TENT2: variants seen among roughly 807,000 people sequenced by gnomAD.
The protein encoded by TENT2 is terminal nucleotidyltransferase 2.
Under a neutral mutation model 72.2 loss-of-function variants are expected in TENT2, and 44 were observed. That is an observed-to-expected ratio of 0.61 (90% CI 0.48 to 0.78). The LOEUF is 0.78. Ranked by LOEUF, TENT2 falls within the 30% of genes least tolerant of loss-of-function variation. TENT2 has a pLI of 0.00. For synonymous variants in TENT2, 212 were observed against 192.5 expected, an observed-to-expected ratio of 1.10 and a Z score of -0.84; for missense variants, 541 against 569.6, an observed-to-expected ratio of 0.95 and a Z score of 0.51.
At chr5:79,633,432 GT>G (rs539713889) in intron 4 of TENT2, among the ~76,000 whole-genome samples, 2,414 of 80,250 alleles carry the variant, frequency 0.03, 47 homozygotes, top group African/African-American at 0.092. Context: ...CAGCTAAAAA[GT>G]TTTTTTTTTT....
chr5:79,659,028 A>C (rs1338593608), intron 11 of TENT2, among the ~76,000 whole-genome samples: 1 of 152,144 alleles, frequency 6.6e-6, no homozygotes, highest in Non-Finnish European at 1.5e-5. Context: ...GAGATTAGGA[A>C]TCTCCTAATT....
chr5:79,682,137 G>A, intron 14 of TENT2, 76 bp downstream of exon 14: 2 of 968,410 alleles, frequency 2.1e-6, no homozygotes, highest in South Asian at 1.6e-5. Context: ...TACGTGTGTA[G>A]TAGGACAGAA....
chr5:79,620,696 A>G (rs1014013737), intron 3 of TENT2: 1 of 152,182 alleles, frequency 6.6e-6, no homozygotes, highest in Non-Finnish European at 1.5e-5. Context: ...AACTTAGGTA[A>G]CTTTTCAGAG....
At chr5:79,656,619 T>C (rs1798158972) in intron 10 of TENT2, among the ~76,000 whole-genome samples, 1 of 152,016 alleles carries the variant, frequency 6.6e-6, no homozygotes, top group Admixed American at 6.5e-5. Context: ...CTATTCAGTA[T>C]CTGTAGAGCA....
intron 10 of TENT2, among the ~76,000 whole-genome samples, chr5:79,651,050 A>G (rs1200487829): frequency 1.3e-5 from 2 of 152,118 alleles, no homozygotes; most frequent in Non-Finnish European, 2.9e-5. Flanking sequence ...TAAGTTGTGT[A>G]TACATTTCAT....
At chr5:79,652,978 A>C (rs1795300989) in intron 10 of TENT2, among the ~76,000 whole-genome samples, 1 of 152,024 alleles carries the variant, frequency 6.6e-6, no homozygotes. Flanking sequence ...AAATATAAAA[A>C]ATATGTGGCA....
intron 11 of TENT2, among the ~76,000 whole-genome samples, chr5:79,664,911 A>T (rs917031263): frequency 6.6e-5 from 10 of 152,174 alleles, no homozygotes; most frequent in African/African-American, 2.2e-4. Flanking sequence ...TAGAAGGGTG[A>T]TGCTTCACAC....
chr5:79,660,787 A>T lies in TENT2; in HGVS notation c.1071+3786A>T, dbSNP rs1029415003. On this transcript the variant is annotated intron_variant, in intron 11 of 14. Transcript: ENST00000453514. ...TTATTTAAAAAACAAGCTAACTATA[A>T]AATGGCCTGATAGGTCCTTCAAGAG... Among the ~76,000 whole-genome samples, 2 of 152,148 alleles carry T rather than the reference A, an allele frequency of 1.3e-5. 1 individual carries two copies. Among genetic ancestry groups the T allele is most frequent in the South Asian group, 4.1e-4 (2 of 4,834 alleles).
At position 79,648,660 on chromosome 5, in the gene TENT2, A is replaced by G. The variant is rs1791096796; in HGVS notation, c.865A>G (p.Arg289Gly). ...DLNVNNIVGI[R>G]NTFLLRTYAY... The stretch of plus-strand genomic sequence containing the variant: ...GAATGTAAACAATATTGTTGGAATA[A>G]GAAACACATTCCTTCTCAGAACTTA... The change falls in exon 9 of 15, where the codon AGA becomes GGA. Residue 289 changes from arginine to glycine, a missense_variant. By Grantham distance (125) the Arg-to-Gly change is moderately radical. Transcript: ENST00000453514. 6.3e-7 allele frequency: 1 copy of G among 1,597,860 alleles called. No homozygotes were observed. Among genetic ancestry groups the G allele is most frequent in the Non-Finnish European group, 8.5e-7 (1 of 1,171,722 alleles).
chr5:79,681,767 C>T (rs1022189817), intron 13 of TENT2: 2 of 401,880 alleles, frequency 5.0e-6, no homozygotes, highest in Admixed American at 4.1e-5. Flanking sequence ...TTTGATCACC[C>T]TCTCCCTTGA....
intron 10 of TENT2, among the ~76,000 whole-genome samples, chr5:79,654,385 T>G (rs1000227496): frequency 5.9e-5 from 9 of 151,492 alleles, no homozygotes; most frequent in Admixed American, 2.6e-4. Flanking sequence ...GAGCCTAGAT[T>G]GTGCCATTGC....
At chr5:79,626,548 C>T (rs893364288) in intron 4 of TENT2, among the ~76,000 whole-genome samples, 2 of 152,024 alleles carry the variant, frequency 1.3e-5, no homozygotes, top group Admixed American at 6.5e-5. Flanking sequence ...ACCTCGTGAT[C>T]CACCCTCCTT....
intron 10 of TENT2, among the ~76,000 whole-genome samples, chr5:79,653,166 T>C (rs1484684326): frequency 6.6e-6 from 1 of 152,002 alleles, no homozygotes; most frequent in Non-Finnish European, 1.5e-5. Flanking sequence ...GATGCCCCAA[T>C]GTGGTATTGA....
chr5:79,657,948 C>A (rs1227388171), intron 11 of TENT2, among the ~76,000 whole-genome samples: 1 of 152,138 alleles, frequency 6.6e-6, no homozygotes, highest in Non-Finnish European at 1.5e-5. Flanking sequence ...CAAAATATAA[C>A]AAATTTACTT....
chr5:79,631,128 C>A (rs1775133579), intron 4 of TENT2, among the ~76,000 whole-genome samples: 1 of 152,136 alleles, frequency 6.6e-6, no homozygotes, highest in East Asian at 1.9e-4. Context: ...GTCCTGTGTA[C>A]CCTACTACAT....
intron 4 of TENT2, among the ~76,000 whole-genome samples, chr5:79,629,723 A>G (rs1224492762): frequency 6.6e-6 from 1 of 151,896 alleles, no homozygotes; most frequent in African/African-American, 2.4e-5. Context: ...GCTACTTGGG[A>G]GGCTGAGGCA....
At chr5:79,660,205 G>T (rs1161046778) in intron 11 of TENT2, among the ~76,000 whole-genome samples, 2 of 151,702 alleles carry the variant, frequency 1.3e-5, no homozygotes, top group African/African-American at 4.9e-5. Context: ...AAACATCATT[G>T]TCTCTAAAAA....
At chr5:79,635,950 T>C (rs528433785) in intron 4 of TENT2, among the ~76,000 whole-genome samples, 1 of 152,192 alleles carries the variant, frequency 6.6e-6, no homozygotes, top group Non-Finnish European at 1.5e-5. Flanking sequence ...ACATCAGGGG[T>C]TGGCAGAAGG....
At chr5:79,630,941 TGA>T (rs1257654208) in intron 4 of TENT2, among the ~76,000 whole-genome samples, 9 of 151,762 alleles carry the variant, frequency 5.9e-5, no homozygotes, top group African/African-American at 2.2e-4. Flanking sequence ...GTATTTCAAG[TGA>T]GAGGCAATGG....
Sources: allele counts gnomAD v4.1 joint callset (sites outside exome capture counted in the v4.1 genomes callset), GRCh38; gene constraint gnomAD v4.1.1; transcripts MANE v1.5; gene names NCBI Gene and HGNC (gene_info 2026-07-23, HGNC 2026-07-21).